The following SNAP91 variants were observed in gnomAD, a reference collection of about 807,000 sequenced individuals.
SNAP91 encodes the protein clathrin coat assembly protein AP180.
In SNAP91, 27 loss-of-function variants were observed where a neutral mutation model predicts 100.3. The observed-to-expected ratio is 0.27, with a 90% CI of 0.20 to 0.37. The LOEUF (loss-of-function observed/expected upper bound fraction) is 0.37. Ranked by LOEUF, SNAP91 falls within the 10% of genes least tolerant of loss-of-function variation. The pLI is 1.00. For synonymous variants in SNAP91, 404 were observed against 398.6 expected (o/e 1.01, Z -0.16); for missense variants, 986 against 1,123.7 (o/e 0.88, Z 1.75).
intron 3 of SNAP91, among the ~76,000 whole-genome samples, chr6:83,664,639 T>C (rs2128760860): frequency 6.6e-6 from 1 of 152,198 alleles, no homozygotes. Flanking sequence ...AGAAAGTAGT[T>C]TCTTGAGATA....
intron 13 of SNAP91, among the ~76,000 whole-genome samples, chr6:83,606,396 C>A (rs1209202372): frequency 6.6e-6 from 1 of 151,884 alleles, no homozygotes; most frequent in African/African-American, 2.4e-5. Flanking sequence ...TATTTTTACT[C>A]AGTTGAGGCT....
intron 2 of SNAP91, among the ~76,000 whole-genome samples, chr6:83,670,485 C>A (rs1309388259): frequency 6.6e-6 from 1 of 151,428 alleles, no homozygotes; most frequent in Non-Finnish European, 1.5e-5. Context: ...TCTATGGCTT[C>A]CCTTTTCATT....
At chr6:83,675,827 AACACACACACACAC>A (rs373927158) in intron 2 of SNAP91, among the ~76,000 whole-genome samples, 3 of 138,196 alleles carry the variant, frequency 2.2e-5, no homozygotes, top group Non-Finnish European at 4.6e-5. Flanking sequence ...CACTTGAAGG[AACACACACACACAC>A]ACACACACAC....
chr6:83,640,454 A>G (rs1477610780), intron 8 of SNAP91, among the ~76,000 whole-genome samples: 1 of 152,192 alleles, frequency 6.6e-6, no homozygotes, highest in South Asian at 2.1e-4. Context: ...CCAAAGGACT[A>G]TAATAACAAT....
At chr6:83,707,632 G>A (rs1195050512) in intron 2 of SNAP91, among the ~76,000 whole-genome samples, 166 bp downstream of exon 2, 1 of 151,650 alleles carries the variant, frequency 6.6e-6, no homozygotes, top group Non-Finnish European at 1.5e-5. Context: ...AGGTTTCATG[G>A]CTAACCCAAG....
At chr6:83,628,998 T>C (rs2097094959) in intron 8 of SNAP91, among the ~76,000 whole-genome samples, 1 of 152,200 alleles carries the variant, frequency 6.6e-6, no homozygotes, top group South Asian at 2.1e-4. Context: ...CAGTTTCAGA[T>C]CTTAGATTTA....
intron 5 of SNAP91, 139 bp from the exon 6 acceptor site, chr6:83,659,231 T>TTGTAG: frequency 3.1e-6 from 2 of 647,558 alleles, no homozygotes; most frequent in Admixed American, 3.0e-5. Context: ...TATTACAAGG[T>TTGTAG]TGTAGTCATT....
rs34572243 is a variant in SNAP91, at chr6:83,661,673, AT to A, written c.350-70del. On this transcript the variant is annotated intron_variant, in intron 4 of 29. Transcript: ENST00000369694. ...CTTCAACTGTGCTTTGCATAGTACT[AT>A]TTTTTTTTAACTCTCTAAATGGTGA... 1,618 of 791,100 alleles carry A rather than the reference AT, an allele frequency of 2.0e-3. 1 individual carries two copies. Among genetic ancestry groups the A allele is most frequent in the South Asian group, 3.3e-3 (159 of 48,286 alleles). The allele number at this position is 791,100 out of a possible 1,614,324, so 49.0% of individuals were successfully genotyped here.
intron 4 of SNAP91, 96 bp from the exon 5 acceptor site, chr6:83,661,700 T>C (rs2128742622): frequency 3.2e-6 from 2 of 632,104 alleles, no homozygotes; most frequent in Non-Finnish European, 5.4e-6. Context: ...TAAATGGTGA[T>C]AGTCCTAGGA....
intron 5 of SNAP91, among the ~76,000 whole-genome samples, chr6:83,660,525 A>C (rs751509933): frequency 2.0e-5 from 3 of 151,760 alleles, no homozygotes; most frequent in Non-Finnish European, 2.9e-5. Flanking sequence ...TAAGATATGC[A>C]CAAATGTGTG....
chr6:83,644,864 C>T (rs1213459298), intron 7 of SNAP91, among the ~76,000 whole-genome samples: 4 of 152,176 alleles, frequency 2.6e-5, no homozygotes, highest in African/African-American at 4.8e-5. Context: ...AGGTTAACTC[C>T]TAGCACTATC....
chr6:83,603,878 T>C (rs2095447189), intron 14 of SNAP91, among the ~76,000 whole-genome samples: 1 of 152,198 alleles, frequency 6.6e-6, no homozygotes, highest in Admixed American at 6.5e-5. Context: ...GTTTCAATCA[T>C]CAATAGTTAC....
intron 26 of SNAP91, among the ~76,000 whole-genome samples, chr6:83,568,479 A>G (rs993578852): frequency 2.0e-4 from 3 of 15,002 alleles, no homozygotes; most frequent in Non-Finnish European, 5.5e-4. Flanking sequence ...ATTAAAGTAT[A>G]ATAATAATAA....
chr6:83,683,286 TAC>T (rs1384015555), intron 2 of SNAP91, among the ~76,000 whole-genome samples: 3 of 152,204 alleles, frequency 2.0e-5, no homozygotes, highest in Non-Finnish European at 4.4e-5. Flanking sequence ...TAGTAAGTGA[TAC>T]AGTTTTGATA....
intron 28 of SNAP91, among the ~76,000 whole-genome samples, chr6:83,559,430 C>T (rs573771658): frequency 6.6e-6 from 1 of 152,204 alleles, no homozygotes; most frequent in South Asian, 2.1e-4. Flanking sequence ...ATGTTTAGAA[C>T]TTTCCCAGAT....
At chr6:83,676,117 A>C (rs2128875549) in intron 2 of SNAP91, among the ~76,000 whole-genome samples, 1 of 152,202 alleles carries the variant, frequency 6.6e-6, no homozygotes, top group East Asian at 1.9e-4. Flanking sequence ...TCTCAAAAAA[A>C]AAAAAAAAGA....
intron 7 of SNAP91, among the ~76,000 whole-genome samples, chr6:83,646,519 G>A (rs1475247732): frequency 6.6e-6 from 1 of 152,124 alleles, no homozygotes; most frequent in African/African-American, 2.4e-5. Context: ...TTATATTAAT[G>A]TGGATTGATT....
At chr6:83,616,912 T>C (rs2096517422) in intron 10 of SNAP91, 57 bp downstream of exon 10, 2 of 1,134,554 alleles carry the variant, frequency 1.8e-6, no homozygotes, top group Admixed American at 2.3e-5. Context: ...AATCTCATTC[T>C]TAGAAGAACG....
At chr6:83,644,516 C>G (rs1426688567) in intron 7 of SNAP91, among the ~76,000 whole-genome samples, 1 of 152,128 alleles carries the variant, frequency 6.6e-6, no homozygotes, top group African/African-American at 2.4e-5. Context: ...TGTTAACTTT[C>G]AATATTTGAA....
Sources: gnomAD v4.1 joint callset for allele counts (sites outside exome capture counted in the v4.1 genomes callset) on GRCh38, gnomAD v4.1.1 for gene constraint, MANE v1.5 for transcripts, NCBI Gene and HGNC (gene_info 2026-07-23, HGNC 2026-07-21) for gene names.